Variants in OTOGL observed in about 807,000 individuals in gnomAD.
OTOGL encodes the protein otogelin-like protein.
OTOGL carries 285 observed loss-of-function variants against 318.5 expected under a neutral mutation model. The observed-to-expected ratio is 0.89, with a 90% CI of 0.81 to 0.99. The LOEUF (loss-of-function observed/expected upper bound fraction) is 0.99. OTOGL is among the 50% of genes least tolerant of loss of function. The pLI is 0.00. For missense variants in OTOGL, 2,899 were observed against 2,845.6 expected (o/e 1.02, Z -0.43); for synonymous variants, 987 against 936.5 (o/e 1.05, Z -0.99).
chr12:80,132,419 T>A (rs1871297202), intron 1 of OTOGL: 1 of 152,222 alleles, frequency 6.6e-6, no homozygotes, highest in East Asian at 1.9e-4. Flanking sequence ...TTGCCTAGTG[T>A]ACTGAACTAT....
rs554224344 is a variant in OTOGL, at chr12:80,105,578, AG to A, written c.-20+5974del. The stretch of plus-strand genomic sequence containing the variant: ...TAATTAAGACCCTTTTCACCTGAAG[AG>A]TGAAAATTATTGATGCTTTTAGCCC... On this transcript the variant is annotated intron_variant, in intron 1 of 58. Coordinates refer to ENST00000547103, the MANE Select transcript of OTOGL (RefSeq NM_001378609.3). 7.2e-5 allele frequency among the ~76,000 whole-genome samples: 11 copies of A among 152,350 alleles called. No homozygotes were observed. In the South Asian group the frequency reaches 2.3e-3, roughly 32 times the overall value.
intron 1 of OTOGL, among the ~76,000 whole-genome samples, chr12:80,101,032 T>C (rs1196336820): frequency 6.6e-6 from 1 of 152,160 alleles, no homozygotes; most frequent in Non-Finnish European, 1.5e-5. Flanking sequence ...AACTTGAAAA[T>C]TTTGTAATTC....
At chr12:80,278,897 A>C in intron 25 of OTOGL, 131 bp from the exon 26 acceptor site, 1 of 1,026,344 alleles carries the variant, frequency 9.7e-7, no homozygotes, top group Non-Finnish European at 1.5e-6. Flanking sequence ...TATCAGAATG[A>C]ACTGGCAATA....
intron 1 of OTOGL, among the ~76,000 whole-genome samples, chr12:80,115,780 C>G (rs1194584654): frequency 6.6e-6 from 1 of 152,184 alleles, no homozygotes; most frequent in South Asian, 2.1e-4. Context: ...GGCAATCTAT[C>G]TACCGGGCCT....
At chr12:80,164,505 G>T (rs1873715917) in intron 1 of OTOGL, among the ~76,000 whole-genome samples, 1 of 152,044 alleles carries the variant, frequency 6.6e-6, no homozygotes. Flanking sequence ...TTTCATCTAA[G>T]CTTCTGAATT....
intron 1 of OTOGL, among the ~76,000 whole-genome samples, chr12:80,153,582 A>G (rs1872925640): frequency 6.6e-6 from 1 of 152,200 alleles, no homozygotes. Context: ...AATTTACATT[A>G]GAGTTCATTC....
At chr12:80,132,111 C>T (rs1417740554) in intron 1 of OTOGL, 1 of 152,214 alleles carries the variant, frequency 6.6e-6, no homozygotes, top group East Asian at 1.9e-4. Flanking sequence ...TTTTGGCATA[C>T]TTTCCAGGTG....
chr12:80,241,259 T>A (rs978459456), intron 11 of OTOGL, among the ~76,000 whole-genome samples: 1 of 152,128 alleles, frequency 6.6e-6, no homozygotes, highest in Non-Finnish European at 1.5e-5. Context: ...CATCTCTTAC[T>A]TTTGAATAGA....
At chr12:80,222,830 T>G (rs771025712) in intron 7 of OTOGL, among the ~76,000 whole-genome samples, 2 of 152,308 alleles carry the variant, frequency 1.3e-5, no homozygotes, top group Non-Finnish European at 2.9e-5. Flanking sequence ...ATGCTTTCCC[T>G]TTTTACTTAC....
intron 18 of OTOGL, among the ~76,000 whole-genome samples, chr12:80,259,209 G>A (rs1882318817): frequency 1.3e-5 from 2 of 150,858 alleles, no homozygotes; most frequent in South Asian, 2.1e-4. Context: ...TATAAATGCT[G>A]AGGTGATTCT....
At chr12:80,307,277 C>T (rs1445895630) in intron 29 of OTOGL, among the ~76,000 whole-genome samples, 1 of 151,652 alleles carries the variant, frequency 6.6e-6, no homozygotes, top group East Asian at 1.9e-4. Flanking sequence ...TTCTATTCTA[C>T]AAAACCGCCA....
chr12:80,108,710 C>G (rs554363908), intron 1 of OTOGL, among the ~76,000 whole-genome samples: 2 of 148,170 alleles, frequency 1.3e-5, no homozygotes, highest in African/African-American at 5.0e-5. Context: ...CGTTCTCCCC[C>G]ACCTCCTTTC....
In OTOGL at chr12:80,282,659, CT is replaced by C. The variant is rs979386421; in HGVS notation, c.2928+3496del. ...TAGCAAACAATTTTATATTAGAATC[CT>C]TTCATCCCCTGAGGTTTAGAGTATA... On this transcript the variant is annotated intron_variant, in intron 26 of 58. Transcript: ENST00000547103. 3.3e-5 allele frequency among the ~76,000 whole-genome samples: 5 copies of C among 151,708 alleles called. 1 individual carries two copies. The highest frequency in any genetic ancestry group is 2.6e-4 in the Admixed American group (4 of 15,188).
chr12:80,270,129 T>C lies in OTOGL; in HGVS notation c.2493T>C (p.Cys831=). 1.2e-6 allele frequency: 2 copies of C among 1,605,584 alleles called. No individual in the cohort carries two copies. Among genetic ancestry groups the C allele is most frequent in the South Asian group, 1.1e-5 (1 of 90,670 alleles). ...AGTGTTCAAATGGGACTGTGAAATG[T>C]GATGAATTAGCAACGCCCTCTGCTG... is the stretch of plus-strand genomic sequence containing the variant. ...LCQCSNGTVK[C]DELATPSAVH... is the part of the protein sequence containing the mutation. The change falls in exon 23 of 59, where the codon TGT becomes TGC. Residue 831 remains cysteine (C), a synonymous_variant. Coordinates refer to ENST00000547103, the MANE Select transcript of OTOGL (RefSeq NM_001378609.3).
intron 29 of OTOGL, among the ~76,000 whole-genome samples, chr12:80,307,466 G>A (rs1157264980): frequency 6.7e-6 from 1 of 149,706 alleles, no homozygotes; most frequent in African/African-American, 2.5e-5. Context: ...TCCTGGACGG[G>A]GTGGCTGGCC....
In OTOGL at chr12:80,323,853, T is replaced by A. The variant is rs1311794664; in HGVS notation, c.4199+13T>A. ...AATTTCTTCCACCGTAAGTAACGTT[T>A]ACCAATAAGTGATCAAAGTCCAGCC... On this transcript the variant is annotated intron_variant, in intron 35 of 58. Transcript: ENST00000547103. 6.3e-7 allele frequency: 1 copy of A among 1,575,588 alleles called. No homozygotes were observed. The highest frequency in any genetic ancestry group is 8.7e-7 in the Non-Finnish European group (1 of 1,146,378).
chr12:80,327,786 C>A (rs1887778939), intron 35 of OTOGL, among the ~76,000 whole-genome samples: 1 of 151,084 alleles, frequency 6.6e-6, no homozygotes, highest in African/African-American at 2.4e-5. Flanking sequence ...GGTGAAACCC[C>A]ATCTCTACTA....
At chr12:80,169,463 T>G (rs1373743664) in intron 1 of OTOGL, among the ~76,000 whole-genome samples, 2 of 152,232 alleles carry the variant, frequency 1.3e-5, no homozygotes, top group African/African-American at 4.8e-5. Flanking sequence ...TCTCGTTTAC[T>G]AATTAAGGTC....
rs749423014 is a variant in OTOGL at position 80,323,740 on chromosome 12, C to A, written c.4099C>A (p.Pro1367Thr). Residue 1367 changes from proline to threonine, a missense_variant, in exon 35 of 59, where the codon CCT (proline) becomes ACT (threonine). By Grantham distance (38) the Pro-to-Thr change is conservative (BLOSUM62 -1). Transcript: ENST00000547103. ...FSIEEIQAAVPYRKMCEWRYE... is the reference protein window; with the variant it reads ...FSIEEIQAAVTYRKMCEWRYE... ...TTTCCCAGAAATCCAGGCAGCAGTG[C>A]CTTACAGGAAGATGTGTGAATGGAG... The A allele has an allele frequency of 6.2e-7, 1 of 1,613,554 alleles. No homozygotes were observed. The highest frequency in any genetic ancestry group is 8.5e-7 in the Non-Finnish European group (1 of 1,179,524).
Sources: allele counts gnomAD v4.1 joint callset (sites outside exome capture counted in the v4.1 genomes callset), GRCh38; gene constraint gnomAD v4.1.1; transcripts MANE v1.5; gene names NCBI Gene and HGNC (gene_info 2026-07-23, HGNC 2026-07-21).